Variants in SYT16 observed in about 807,000 individuals in gnomAD.
The protein encoded by SYT16 is synaptotagmin 16.
In SYT16, 42 loss-of-function variants were observed where a neutral mutation model predicts 61.4. The ratio of observed to expected loss-of-function variants is 0.68; its 90% confidence interval spans 0.53 to 0.89. SYT16 has a LOEUF of 0.89. Ranked by LOEUF, SYT16 falls within the 40% of genes least tolerant of loss-of-function variation. The probability of loss-of-function intolerance (pLI) is 0.00; values close to 1 mark genes in which losing one functional copy is unlikely to be tolerated. For synonymous variants in SYT16, 314 were observed against 302.3 expected, an observed-to-expected ratio of 1.04 and a Z score of -0.40; for missense variants, 804 against 807.3, an observed-to-expected ratio of 1.00 and a Z score of 0.05.
At chr14:61,877,026 A>G (rs2047523768) in intron 1 of SYT16, among the ~76,000 whole-genome samples, 1 of 152,176 alleles carries the variant, frequency 6.6e-6, no homozygotes, top group Non-Finnish European at 1.5e-5. Context: ...TTTTCTCATC[A>G]GACCTCCTAC....
At chr14:62,066,773 G>T (rs974065279) in intron 3 of SYT16, among the ~76,000 whole-genome samples, 1 of 152,190 alleles carries the variant, frequency 6.6e-6, no homozygotes, top group Non-Finnish European at 1.5e-5. Flanking sequence ...TCTGCTTTGT[G>T]CCTGGCTTGG....
At chr14:61,939,297 G>A (rs2050117475) in intron 1 of SYT16, among the ~76,000 whole-genome samples, 2 of 152,272 alleles carry the variant, frequency 1.3e-5, no homozygotes, top group Admixed American at 1.3e-4. Flanking sequence ...CTGTTTTAGG[G>A]CCAGGAAGCA....
chr14:61,992,899 T>G lies in SYT16; in HGVS notation c.-144-2977T>G, dbSNP rs181184033. On this transcript the variant is annotated intron_variant, in intron 2 of 7. Coordinates refer to ENST00000683842, the MANE Select transcript of SYT16 (RefSeq NM_001367656.1). ...TTTGACAGCACCAGTGCTCAAACTT[T>G]GCAGTTTAAGTAACAGGGAATCATA... 5.2e-3 allele frequency among the ~76,000 whole-genome samples: 797 copies of G among 152,274 alleles called. 4 individuals are homozygous for G. The highest frequency in any genetic ancestry group is 8.2e-3 in the Non-Finnish European group (557 of 68,002).
At chr14:62,048,411 T>A (rs2055101333) in intron 3 of SYT16, among the ~76,000 whole-genome samples, 2 of 152,214 alleles carry the variant, frequency 1.3e-5, no homozygotes, top group Non-Finnish European at 1.5e-5. Flanking sequence ...ATTTTGTTGA[T>A]CTTTTCAAAA....
Position 62,043,594 on chromosome 14 carries a change from A to G in SYT16, c.524-26009A>G, listed in dbSNP as rs2054834946. ...AGCTAATTTTTTGTGTTTTTGGTAG[A>G]GACAGGGTTTCACTATGTTAGCCAG... On this transcript the variant is annotated intron_variant, in intron 3 of 7. Transcript: ENST00000683842. 1.3e-5 allele frequency among the ~76,000 whole-genome samples: 2 copies of G among 151,770 alleles called. 1 individual carries two copies. The highest frequency in any genetic ancestry group is 4.2e-4 in the South Asian group (2 of 4,816).
chr14:61,868,275 G>T, intron 1 of SYT16, among the ~76,000 whole-genome samples: 1 of 151,208 alleles, frequency 6.6e-6, no homozygotes, highest in East Asian at 1.9e-4. Context: ...CAATTTTATT[G>T]TTTTTTCCAA....
intron 1 of SYT16, among the ~76,000 whole-genome samples, chr14:61,876,557 A>G (rs906902555): frequency 1.3e-5 from 2 of 152,246 alleles, no homozygotes; most frequent in Non-Finnish European, 2.9e-5. Context: ...TTGTACTGAG[A>G]TAACACCGAG....
At chr14:61,940,798 G>C (rs750534898) in intron 1 of SYT16, among the ~76,000 whole-genome samples, 4 of 152,222 alleles carry the variant, frequency 2.6e-5, no homozygotes, top group South Asian at 4.2e-4. Flanking sequence ...GGTGGGGCAG[G>C]CTTCCCTGGA....
chr14:61,906,839 G>T (rs1455783816), intron 1 of SYT16, among the ~76,000 whole-genome samples: 1 of 119,488 alleles, frequency 8.4e-6, no homozygotes, highest in African/African-American at 3.5e-5. Context: ...CCCAGTACTT[G>T]TACTATCCGC....
chr14:61,905,650 G>T (rs191215512), intron 1 of SYT16, among the ~76,000 whole-genome samples: 1 of 152,226 alleles, frequency 6.6e-6, no homozygotes, highest in East Asian at 1.9e-4. Flanking sequence ...GGTCTCTTTG[G>T]AAGTCAAGGG....
intron 3 of SYT16, among the ~76,000 whole-genome samples, chr14:62,062,785 C>T (rs12883449): frequency 0.47 from 72,069 of 151,806 alleles, 20,061 homozygotes; most frequent in African/African-American, 0.79. Context: ...CCTGAAATTG[C>T]AGTTGAAAGT....
At chr14:62,027,472 A>C (rs1258801714) in intron 3 of SYT16, among the ~76,000 whole-genome samples, 1 of 152,248 alleles carries the variant, frequency 6.6e-6, no homozygotes, top group Non-Finnish European at 1.5e-5. Flanking sequence ...TTTTACATCC[A>C]GACAGTATTC....
At chr14:62,056,950 C>T (rs142642658) in intron 3 of SYT16, among the ~76,000 whole-genome samples, 124 of 152,228 alleles carry the variant, frequency 8.1e-4, no homozygotes, top group African/African-American at 2.7e-3. Flanking sequence ...GGAGGCTCTT[C>T]GGGAGGCATG....
At chr14:62,025,569 T>C (rs1298784343) in intron 3 of SYT16, among the ~76,000 whole-genome samples, 1 of 152,164 alleles carries the variant, frequency 6.6e-6, no homozygotes, top group Non-Finnish European at 1.5e-5. Context: ...CTCTTGACAG[T>C]GTGTTTTGCA....
chr14:61,895,647 A>G (rs868521241), intron 1 of SYT16, among the ~76,000 whole-genome samples: 4 of 152,164 alleles, frequency 2.6e-5, no homozygotes, highest in South Asian at 2.1e-4. Context: ...ACTAGCTACT[A>G]TTGTATTACT....
intron 1 of SYT16, among the ~76,000 whole-genome samples, chr14:61,914,642 C>T (rs1296147847): frequency 6.6e-6 from 1 of 152,226 alleles, no homozygotes; most frequent in Non-Finnish European, 1.5e-5. Flanking sequence ...GACTCATTTT[C>T]TTCATGCTTT....
At chr14:61,947,804 G>A (rs536458887) in intron 1 of SYT16, among the ~76,000 whole-genome samples, 2 of 152,312 alleles carry the variant, frequency 1.3e-5, no homozygotes, top group South Asian at 4.1e-4. Flanking sequence ...CACAAGCATT[G>A]TGCAAAGGGT....
Position 61,836,064 on chromosome 14 carries a change from G to A in SYT16, c.-325+23254G>A, listed in dbSNP as rs528955372. ...CACTGATTGAGAAACCTGGTGGAGCGTAGCAATCAGTGTTTTGATTAGCCC... is the reference window on the plus strand; with the variant it reads ...CACTGATTGAGAAACCTGGTGGAGCATAGCAATCAGTGTTTTGATTAGCCC... On this transcript the variant is annotated intron_variant, in intron 1 of 7. Transcript: ENST00000683842. Among the ~76,000 whole-genome samples, 37 of 152,278 alleles carry A rather than the reference G, an allele frequency of 2.4e-4. No homozygotes were observed. The South Asian group carries it at 5.2e-3, about 21-fold the overall frequency.
chr14:61,894,142 G>T (rs149576026), intron 1 of SYT16, among the ~76,000 whole-genome samples: 1 of 151,958 alleles, frequency 6.6e-6, no homozygotes, highest in South Asian at 2.1e-4. Context: ...AAAATTAGCC[G>T]GGCATTGTGG....
Sources: allele counts gnomAD v4.1 joint callset (sites outside exome capture counted in the v4.1 genomes callset), GRCh38; gene constraint gnomAD v4.1.1; transcripts MANE v1.5; gene names NCBI Gene and HGNC (gene_info 2026-07-23, HGNC 2026-07-21).